The following CDC73 variants were observed in gnomAD, a reference collection of about 807,000 sequenced individuals.
CDC73 encodes the protein cell division cycle 73.
In CDC73, 21 loss-of-function variants were observed where a neutral mutation model predicts 83.7. The observed-to-expected ratio is 0.25, with a 90% CI of 0.18 to 0.36. The LOEUF (loss-of-function observed/expected upper bound fraction) is 0.36. CDC73 is among the 10% of genes least tolerant of loss of function. CDC73 has a pLI of 1.00. For missense variants in CDC73, 342 were observed against 653.3 expected (o/e 0.52, Z 5.19); for synonymous variants, 224 against 212.9 (o/e 1.05, Z -0.45).
intron 10 of CDC73, chr1:193,161,256 G>C (rs1676303673): frequency 5.7e-6 from 1 of 175,624 alleles, no homozygotes; most frequent in Admixed American, 6.4e-5. Context: ...TTCTGGACTG[G>C]ACAAATCTTG....
intron 9 of CDC73, 21 bp from the exon 10 acceptor site, chr1:193,152,359 T>G (rs1286491607): frequency 1.3e-6 from 2 of 1,553,384 alleles, no homozygotes; most frequent in East Asian, 2.2e-5. Context: ...ATCTTAACAA[T>G]AAGCCTCTTT....
intron 15 of CDC73, among the ~76,000 whole-genome samples, chr1:193,246,771 G>T (rs1232807789): frequency 6.6e-6 from 1 of 152,094 alleles, no homozygotes; most frequent in Non-Finnish European, 1.5e-5. Flanking sequence ...ACTTTGCAGT[G>T]ATTGTCCATG....
intron 13 of CDC73, among the ~76,000 whole-genome samples, chr1:193,220,527 A>G (rs1210634491): frequency 6.6e-6 from 1 of 152,144 alleles, no homozygotes; most frequent in African/African-American, 2.4e-5. Flanking sequence ...TGAGAAGCCA[A>G]TTTGCAATAT....
Position 193,230,144 on chromosome 1 carries a change from T to TA in CDC73, c.1155-2849_1155-2848insA, listed in dbSNP as rs1217720631. ...CATTAGAGGAATGACATTCCCATTC[T>TA]TTTTTTTTTTTTTTTTTCTCCTGAG... On this transcript the variant is annotated intron_variant, in intron 13 of 16. Transcript: ENST00000367435. Among the ~76,000 whole-genome samples the TA allele has an allele frequency of 2.6e-3, 360 of 137,502 alleles. 1 individual carries two copies. Among genetic ancestry groups the TA allele is most frequent in the Non-Finnish European group, 4.5e-3 (284 of 62,660 alleles). The allele number at this position is 137,502 out of a possible 152,430, so 90.2% of individuals were successfully genotyped here.
intron 8 of CDC73, among the ~76,000 whole-genome samples, chr1:193,149,379 T>G (rs1676066159): frequency 1.3e-5 from 2 of 151,936 alleles, no homozygotes; most frequent in South Asian, 2.1e-4. Context: ...ATTAGATGTT[T>G]TTTTTTTTTT....
intron 10 of CDC73, among the ~76,000 whole-genome samples, chr1:193,168,852 C>A (rs1211511244): frequency 1.3e-5 from 2 of 152,090 alleles, no homozygotes; most frequent in Non-Finnish European, 2.9e-5. Flanking sequence ...AGGCAGTCAT[C>A]GACAATAGGT....
At chr1:193,194,584 A>G (rs1424095229) in intron 10 of CDC73, among the ~76,000 whole-genome samples, 1 of 152,176 alleles carries the variant, frequency 6.6e-6, no homozygotes, top group African/African-American at 2.4e-5. Flanking sequence ...AGAGAGACTT[A>G]TGACAGAATC....
chr1:193,142,877 A>G (rs142926790), intron 7 of CDC73, among the ~76,000 whole-genome samples: 2 of 152,314 alleles, frequency 1.3e-5, no homozygotes, highest in African/African-American at 4.8e-5. Flanking sequence ...CAAAAAGAGG[A>G]TGCATTTATC....
Position 193,224,435 on chromosome 1 carries a change from CAT to C in CDC73, c.1155-8555_1155-8554del, listed in dbSNP as rs1182643448. On this transcript the variant is annotated intron_variant, in intron 13 of 16. Coordinates refer to ENST00000367435, the MANE Select transcript of CDC73 (RefSeq NM_024529.5). ...TATGAAATATGCATTCACATATACA[CAT>C]ATGAAATATGCATTCACATATGCAC... Among the ~76,000 whole-genome samples, 22 of 151,888 alleles carry C rather than the reference CAT, an allele frequency of 1.4e-4. No individual in the cohort carries two copies. The East Asian group carries it at 3.9e-3, about 27-fold the overall frequency.
chr1:193,245,214 T>G (rs936123078), intron 15 of CDC73, among the ~76,000 whole-genome samples: 4 of 152,202 alleles, frequency 2.6e-5, no homozygotes, highest in African/African-American at 9.6e-5. Flanking sequence ...CCTATAGTGG[T>G]GTGGAACACT....
chr1:193,154,091 T>C (rs12090626), intron 10 of CDC73, among the ~76,000 whole-genome samples: 96,714 of 152,016 alleles, frequency 0.64, 31,271 homozygotes, highest in South Asian at 0.8. Context: ...TAAATTCTTA[T>C]GTGATTTGGT....
chr1:193,227,444 G>A (rs1677584283), intron 13 of CDC73, among the ~76,000 whole-genome samples: 1 of 151,498 alleles, frequency 6.6e-6, no homozygotes, highest in Non-Finnish European at 1.5e-5. Flanking sequence ...TTTGAAACCA[G>A]CCTAGGCACT....
At chr1:193,249,607 TA>T in intron 15 of CDC73, 122 bp from the exon 16 acceptor site, 1 of 759,684 alleles carries the variant, frequency 1.3e-6, no homozygotes, top group Admixed American at 2.3e-5. Context: ...TGAATGTTTT[TA>T]AAGATAATAT....
At chr1:193,237,619 G>T (rs1677785616) in intron 15 of CDC73, among the ~76,000 whole-genome samples, 1 of 152,148 alleles carries the variant, frequency 6.6e-6, no homozygotes, top group Non-Finnish European at 1.5e-5. Flanking sequence ...TGGAGGTGGT[G>T]TGGTGGGGTG....
chr1:193,180,483 A>T (rs370436125), intron 10 of CDC73: 2 of 1,613,912 alleles, frequency 1.2e-6, no homozygotes, highest in African/African-American at 1.3e-5. Flanking sequence ...ACACAAACTC[A>T]TTGGGAGGGG....
intron 10 of CDC73, chr1:193,179,252 CA>C (rs1331684296): frequency 6.6e-6 from 1 of 152,100 alleles, no homozygotes; most frequent in Non-Finnish European, 1.5e-5. Flanking sequence ...AAATAGGTGC[CA>C]TAAAATGATT....
At chr1:193,193,827 GTGTT>G (rs1256900582) in intron 10 of CDC73, among the ~76,000 whole-genome samples, 4 of 133,706 alleles carry the variant, frequency 3.0e-5, no homozygotes, top group African/African-American at 7.9e-5. Context: ...GTGTGTGTGT[GTGTT>G]GTGGGGCAGT....
At chr1:193,206,745 A>G (rs963815631) in intron 11 of CDC73, among the ~76,000 whole-genome samples, 22 of 152,218 alleles carry the variant, frequency 1.4e-4, no homozygotes, top group Admixed American at 1.4e-3. Context: ...TCTTTGAGTG[A>G]GATACCTCAA....
intron 10 of CDC73, among the ~76,000 whole-genome samples, chr1:193,154,884 A>G (rs1245249044): frequency 6.6e-6 from 1 of 152,150 alleles, no homozygotes; most frequent in Non-Finnish European, 1.5e-5. Flanking sequence ...CTCCTTTATA[A>G]TATCCACCCA....
Sources: gnomAD v4.1 joint callset for allele counts (sites outside exome capture counted in the v4.1 genomes callset) on GRCh38, gnomAD v4.1.1 for gene constraint, MANE v1.5 for transcripts, NCBI Gene and HGNC (gene_info 2026-07-23, HGNC 2026-07-21) for gene names.